Variants in NCAM2 observed in about 807,000 individuals in gnomAD.
NCAM2 encodes N-CAM-2.
A neutral mutation model predicts 98.1 loss-of-function variants in NCAM2; 30 were observed. The observed-to-expected ratio is 0.31, with a 90% CI of 0.23 to 0.41. The LOEUF (loss-of-function observed/expected upper bound fraction) is 0.41, where lower values mean the gene tolerates loss of function less well. Ranked by LOEUF, NCAM2 falls within the 10% of genes least tolerant of loss-of-function variation. The pLI is 1.00. For missense variants in NCAM2, 867 were observed against 1,005.8 expected (o/e 0.86, Z 1.87); for synonymous variants, 368 against 342.4 (o/e 1.07, Z -0.83).
chr21:21,394,263 T>C (rs2076447494), intron 9 of NCAM2, among the ~76,000 whole-genome samples: 1 of 152,124 alleles, frequency 6.6e-6, no homozygotes, highest in African/African-American at 2.4e-5. Flanking sequence ...TTTCTACATA[T>C]GACAGAACAC....
intron 1 of NCAM2, among the ~76,000 whole-genome samples, chr21:21,079,200 T>C (rs2065742287): frequency 6.8e-6 from 1 of 147,950 alleles, no homozygotes; most frequent in South Asian, 2.1e-4. Flanking sequence ...TAAAGTAAAA[T>C]AAAAAACAAA....
At chr21:21,178,572 G>A (rs2068368176) in intron 1 of NCAM2, among the ~76,000 whole-genome samples, 1 of 151,956 alleles carries the variant, frequency 6.6e-6, no homozygotes, top group African/African-American at 2.4e-5. Flanking sequence ...TTTATGCTAT[G>A]AGCCAGACAC....
intron 16 of NCAM2, among the ~76,000 whole-genome samples, chr21:21,530,295 T>TA (rs1249377161): frequency 1.0e-5 from 1 of 98,028 alleles, no homozygotes; most frequent in Non-Finnish European, 2.0e-5. Context: ...TAATTATATA[T>TA]AATTAAATTA....
At chr21:21,431,966 T>G (rs569516584) in intron 11 of NCAM2, 142 bp from the exon 12 acceptor site, 2 of 605,322 alleles carry the variant, frequency 3.3e-6, no homozygotes, top group Non-Finnish European at 5.3e-6. Flanking sequence ...TTCAGGTGTT[T>G]CAGGAAGTTC....
chr21:21,519,961 A>T (rs1212708972), intron 16 of NCAM2, among the ~76,000 whole-genome samples: 1 of 152,126 alleles, frequency 6.6e-6, no homozygotes, highest in Non-Finnish European at 1.5e-5. Flanking sequence ...AGAAAAAAAA[A>T]TTAAGATCAG....
intron 12 of NCAM2, among the ~76,000 whole-genome samples, chr21:21,455,209 G>GAAAAAA (rs1981948544): frequency 4.0e-5 from 2 of 49,692 alleles, no homozygotes; most frequent in African/African-American, 1.6e-4. Flanking sequence ...AAACCTATTG[G>GAAAAAA]CAAAAAAAAA....
chr21:21,123,276 C>T (rs1219655090), intron 1 of NCAM2, among the ~76,000 whole-genome samples: 3 of 152,014 alleles, frequency 2.0e-5, no homozygotes, highest in African/African-American at 7.2e-5. Context: ...GCACCTGAGT[C>T]CCAGCTACTC....
chr21:21,000,401 A>G (rs1042541625), intron 1 of NCAM2, among the ~76,000 whole-genome samples: 5 of 152,194 alleles, frequency 3.3e-5, no homozygotes, highest in African/African-American at 4.8e-5. Context: ...TGAATTTATC[A>G]TTGTAGAGGC....
At chr21:21,494,829 ATATT>A (rs1374422104) in intron 15 of NCAM2, among the ~76,000 whole-genome samples, 1 of 151,886 alleles carries the variant, frequency 6.6e-6, no homozygotes, top group Non-Finnish European at 1.5e-5. Flanking sequence ...ATATTTTAAA[ATATT>A]TATTTTTAAA....
chr21:21,096,659 G>A (rs2066130848), intron 1 of NCAM2, among the ~76,000 whole-genome samples: 1 of 151,554 alleles, frequency 6.6e-6, no homozygotes, highest in African/African-American at 2.4e-5. Flanking sequence ...CGATGGTTAT[G>A]TATCTTTCTA....
intron 1 of NCAM2, among the ~76,000 whole-genome samples, chr21:21,219,776 A>G (rs949374343): frequency 6.6e-6 from 1 of 152,234 alleles, no homozygotes; most frequent in Non-Finnish European, 1.5e-5. Flanking sequence ...GGCAGTTACC[A>G]TAGGAGATGA....
intron 1 of NCAM2, among the ~76,000 whole-genome samples, chr21:21,127,937 G>T (rs1247307418): frequency 6.6e-6 from 1 of 152,032 alleles, no homozygotes; most frequent in Non-Finnish European, 1.5e-5. Flanking sequence ...CTAGAAACCT[G>T]GCTGACGCCC....
chr21:21,157,504 A>G (rs900861376), intron 1 of NCAM2, among the ~76,000 whole-genome samples: 1 of 152,182 alleles, frequency 6.6e-6, no homozygotes, highest in African/African-American at 2.4e-5. Context: ...TCAAAAAGCA[A>G]TTACATATAT....
At chr21:21,294,568 A>G (rs1196706801) in intron 5 of NCAM2, among the ~76,000 whole-genome samples, 2 of 151,820 alleles carry the variant, frequency 1.3e-5, no homozygotes, top group African/African-American at 2.4e-5. Context: ...TCCCTTTAGG[A>G]TCACAAACTC....
chr21:21,503,981 A>G (rs1985893511), intron 15 of NCAM2, among the ~76,000 whole-genome samples: 2 of 151,946 alleles, frequency 1.3e-5, no homozygotes, highest in South Asian at 4.1e-4. Flanking sequence ...ATTTACATTG[A>G]TGTTTTTCAT....
chr21:21,426,034 G>A (rs753333614), intron 11 of NCAM2, among the ~76,000 whole-genome samples: 2 of 152,080 alleles, frequency 1.3e-5, no homozygotes, highest in South Asian at 2.1e-4. Flanking sequence ...GGTGCCTTCT[G>A]TGTGTCCTTA....
intron 1 of NCAM2, among the ~76,000 whole-genome samples, chr21:21,050,464 G>A (rs188860902): frequency 6.6e-6 from 1 of 152,262 alleles, no homozygotes; most frequent in East Asian, 1.9e-4. Flanking sequence ...ACTGCTTTCT[G>A]TGTTCCTTGT....
intron 12 of NCAM2, among the ~76,000 whole-genome samples, chr21:21,446,062 A>G (rs1304966558): frequency 6.6e-6 from 1 of 152,108 alleles, no homozygotes; most frequent in Non-Finnish European, 1.5e-5. Context: ...GCTTATCTGA[A>G]AATGATTTTT....
chr21:21,236,447 A>G (rs1202457448), intron 1 of NCAM2, among the ~76,000 whole-genome samples: 1 of 151,988 alleles, frequency 6.6e-6, no homozygotes, highest in East Asian at 1.9e-4. Context: ...GTTTCTTTGT[A>G]ATTTTTTTTT....
Sources: allele counts gnomAD v4.1 joint callset (sites outside exome capture counted in the v4.1 genomes callset), GRCh38; gene constraint gnomAD v4.1.1; transcripts MANE v1.5; gene names NCBI Gene and HGNC (gene_info 2026-07-23, HGNC 2026-07-21).